Variants in PHLPP1 observed in about 807,000 individuals in gnomAD.
PHLPP1 encodes PH domain leucine-rich repeat-containing protein phosphatase 1.
Under a neutral mutation model 117.2 loss-of-function variants are expected in PHLPP1, and 42 were observed. That is an observed-to-expected ratio of 0.36 (90% CI 0.28 to 0.46). The LOEUF (loss-of-function observed/expected upper bound fraction) is 0.46, where lower values mean the gene tolerates loss of function less well. Ranked by LOEUF, PHLPP1 falls within the 20% of genes least tolerant of loss-of-function variation. PHLPP1 has a pLI of 1.00. For synonymous variants in PHLPP1, 1,042 were observed against 970.7 expected (o/e 1.07, Z -1.37); for missense variants, 2,084 against 2,241.9 (o/e 0.93, Z 1.42).
intron 8 of PHLPP1, among the ~76,000 whole-genome samples, chr18:62,912,249 A>G (rs1404614510): frequency 8.6e-5 from 13 of 150,564 alleles, no homozygotes. Flanking sequence ...ACATGTATAC[A>G]TATGTAACTA....
chr18:62,779,932 G>A (rs561175476), intron 1 of PHLPP1, among the ~76,000 whole-genome samples: 1 of 152,272 alleles, frequency 6.6e-6, no homozygotes, highest in South Asian at 2.1e-4. Context: ...CCAGCCTCTG[G>A]TTTTAGTTCT....
intron 12 of PHLPP1, among the ~76,000 whole-genome samples, chr18:62,952,855 C>G (rs1337618058): frequency 6.6e-6 from 1 of 152,162 alleles, no homozygotes; most frequent in Non-Finnish European, 1.5e-5. Flanking sequence ...CTCCTGGCCT[C>G]AAGCAATCCT....
chr18:62,756,973 G>A (rs1912044606), intron 1 of PHLPP1, among the ~76,000 whole-genome samples: 1 of 152,184 alleles, frequency 6.6e-6, no homozygotes, highest in African/African-American at 2.4e-5. Context: ...ATACGATTGA[G>A]ACTTTTGTCT....
At chr18:62,761,485 T>A (rs1912230350) in intron 1 of PHLPP1, among the ~76,000 whole-genome samples, 1 of 151,692 alleles carries the variant, frequency 6.6e-6, no homozygotes, top group African/African-American at 2.4e-5. Context: ...ACAAAAAAAT[T>A]AGCCGGATGT....
intron 1 of PHLPP1, among the ~76,000 whole-genome samples, chr18:62,759,051 A>G (rs1171993582): frequency 6.6e-6 from 1 of 152,220 alleles, no homozygotes; most frequent in African/African-American, 2.4e-5. Flanking sequence ...CTTTGTGGGA[A>G]GTACATAGGA....
In PHLPP1 at chr18:62,978,899, C is replaced by A; in HGVS notation, c.4622C>A (p.Ser1541Tyr). 1 of 1,607,148 alleles carries A rather than the reference C, an allele frequency of 6.2e-7. No homozygotes were observed. Among genetic ancestry groups the A allele is most frequent in the African/African-American group, 1.3e-5 (1 of 74,870 alleles). Residue 1541 changes from serine (S) to tyrosine (Y), a missense_variant, in exon 17 of 17, where the codon TCC becomes TAC. Around this residue, in one of 2 missense-constraint regions of PHLPP1, gnomAD observed 1,365 missense variants for 1,605.9 expected, o/e 0.85. Coordinates refer to ENST00000262719, the MANE Select transcript of PHLPP1 (RefSeq NM_194449.4). The surrounding 1 kb of genome is among the most constrained non-coding windows in gnomAD (Gnocchi z 7.0). Reference protein sequence around the residue: ...LSSATFSSAFSDNGLDSDDEE... With the variant: ...LSSATFSSAFYDNGLDSDDEE... ...AGCGCCACGTTCTCTAGCGCCTTCTCCGACAACGGCCTTGACAGTGACGAT... is the reference window on the plus strand; with the variant it reads ...AGCGCCACGTTCTCTAGCGCCTTCTACGACAACGGCCTTGACAGTGACGAT...
chr18:62,816,023 A>G (rs1914262309), intron 1 of PHLPP1, among the ~76,000 whole-genome samples: 1 of 152,178 alleles, frequency 6.6e-6, no homozygotes, highest in South Asian at 2.1e-4. Context: ...TTATAATTGC[A>G]TTATAGATGC....
intron 4 of PHLPP1, among the ~76,000 whole-genome samples, chr18:62,887,381 C>T (rs868000072): frequency 1.9e-4 from 29 of 152,060 alleles, no homozygotes; most frequent in African/African-American, 6.3e-4. Context: ...AAGATATATC[C>T]ACTGCTTTAG....
chr18:62,811,532 AT>A (rs1914118533), intron 1 of PHLPP1, among the ~76,000 whole-genome samples: 1 of 149,732 alleles, frequency 6.7e-6, no homozygotes, highest in African/African-American at 2.5e-5. Context: ...GATTATGGTT[AT>A]GTTGTTGTGT....
rs749519972 is a variant in PHLPP1 at position 62,895,969 on chromosome 18, A to G, written c.2402A>G (p.Gln801Arg). The change falls in exon 6 of 17, where the codon CAG becomes CGG. Residue 801 changes from glutamine to arginine, a missense_variant. Transcript: ENST00000262719. The stretch of plus-strand genomic sequence containing the variant: ...AACTGTGTGGAGACCCTTAGGCTAC[A>G]GGCTTTAAGAAAAATGCCTCACATT... ...SGNCVETLRL[Q>R]ALRKMPHIKH... 4 of 1,613,686 alleles carry G rather than the reference A, an allele frequency of 2.5e-6. No homozygotes were observed. Among genetic ancestry groups the G allele is most frequent in the Non-Finnish European group, 3.4e-6 (4 of 1,179,610 alleles).
intron 1 of PHLPP1, among the ~76,000 whole-genome samples, chr18:62,770,456 G>A (rs183977284): frequency 3.3e-5 from 5 of 152,280 alleles, no homozygotes; most frequent in Admixed American, 3.3e-4. Flanking sequence ...ACAACCATAT[G>A]AAGTTTTGTT....
intron 14 of PHLPP1, among the ~76,000 whole-genome samples, chr18:62,970,336 T>G (rs573467808): frequency 7.2e-5 from 11 of 152,342 alleles, no homozygotes; most frequent in African/African-American, 2.6e-4. Context: ...TTTAGTTATT[T>G]TCTAAAGCAG....
chr18:62,760,632 GCTCT>G (rs1377751635), intron 1 of PHLPP1, among the ~76,000 whole-genome samples: 1 of 152,174 alleles, frequency 6.6e-6, no homozygotes, highest in Non-Finnish European at 1.5e-5. Flanking sequence ...TTGGTGCAAG[GCTCT>G]CTCTGTTGCC....
intron 1 of PHLPP1, among the ~76,000 whole-genome samples, chr18:62,821,936 A>AT (rs1303772150): frequency 4.0e-5 from 6 of 151,776 alleles, no homozygotes; most frequent in African/African-American, 4.8e-5. Context: ...ACAAAAAAAA[A>AT]TTTTTTTTAA....
rs1270039351 is a variant in PHLPP1, at chr18:62,978,911, T to G, written c.4634T>G (p.Leu1545Arg). 1 of 1,608,102 alleles carries G rather than the reference T, an allele frequency of 6.2e-7. No individual in the cohort carries two copies. The highest frequency in any genetic ancestry group is 1.1e-5 in the South Asian group (1 of 89,926). The change falls in exon 17 of 17, where the codon CTT (leucine) becomes CGT (arginine). Residue 1545 changes from leucine (L) to arginine (R), a missense_variant. Leu to Arg is a moderately radical substitution (Grantham distance 102). This residue lies in a region of PHLPP1 where 1,365 missense variants were observed against 1,605.9 expected (regional missense o/e 0.85). Transcript: ENST00000262719. This position sits in a 1 kb window ranked among gnomAD's most constrained non-coding sequence, Gnocchi z 7.0. The stretch of plus-strand genomic sequence containing the variant: ...TCTAGCGCCTTCTCCGACAACGGCC[T>G]TGACAGTGACGATGAGGAGCCCATC... Reference protein sequence around the residue: ...TFSSAFSDNGLDSDDEEPIEG... With the variant: ...TFSSAFSDNGRDSDDEEPIEG...
At position 62,975,448 on chromosome 18, in the gene PHLPP1, T is replaced by C. The variant is rs756299979; in HGVS notation, c.3807T>C (p.His1269=). The C allele has an allele frequency of 6.8e-6, 11 of 1,613,846 alleles. No individual in the cohort carries two copies. The highest frequency in any genetic ancestry group is 5.5e-5 in the South Asian group (5 of 91,084). The change falls in exon 16 of 17, where the codon CAT becomes CAC. Residue 1269 remains histidine, a synonymous_variant. Transcript: ENST00000262719. The part of the protein sequence containing the change: ...QKLGGAAVLC[H]IKHDPVDPGG... Reference sequence around the variant, plus strand: ...TTGGTGGTGCCGCTGTCCTTTGTCATATCAAGCATGACCCTGTGGATCCAG... The same window carrying C: ...TTGGTGGTGCCGCTGTCCTTTGTCACATCAAGCATGACCCTGTGGATCCAG...
intron 16 of PHLPP1, among the ~76,000 whole-genome samples, chr18:62,977,444 A>C (rs1599150504): frequency 1.3e-5 from 2 of 151,362 alleles, no homozygotes; most frequent in African/African-American, 4.9e-5. Flanking sequence ...AAAAAAAAAA[A>C]AAAAAAAAAC....
chr18:62,807,733 G>T (rs937908565), intron 1 of PHLPP1, among the ~76,000 whole-genome samples: 1 of 152,188 alleles, frequency 6.6e-6, no homozygotes, highest in African/African-American at 2.4e-5. Context: ...AAGTATTAGT[G>T]TATCTAAACT....
intron 4 of PHLPP1, among the ~76,000 whole-genome samples, chr18:62,877,663 G>A (rs545555787): frequency 6.6e-6 from 1 of 152,290 alleles, no homozygotes; most frequent in South Asian, 2.1e-4. Context: ...TTCTTATACA[G>A]CTTTGCTTTT....
Sources: gnomAD v4.1 joint callset for allele counts (sites outside exome capture counted in the v4.1 genomes callset) on GRCh38, gnomAD v4.1.1 for gene constraint, gnomAD v4.1.1 regional missense constraint, Gnocchi (gnomAD v3.1) non-coding constraint, MANE v1.5 for transcripts, NCBI Gene and HGNC (gene_info 2026-07-23, HGNC 2026-07-21) for gene names.